Variants in ZNF532 observed in about 807,000 individuals in gnomAD.
ZNF532 encodes the protein zinc finger protein 532.
Under a neutral mutation model 89.3 loss-of-function variants are expected in ZNF532, and 22 were observed. The observed-to-expected ratio is 0.25, with a 90% CI of 0.18 to 0.35. ZNF532 has a LOEUF of 0.35. Among genes scored for constraint, ZNF532 ranks in the 10% least tolerant of loss-of-function variants. ZNF532 has a pLI of 1.00. For synonymous variants in ZNF532, 606 were observed against 649.6 expected (o/e 0.93, Z 1.02); for missense variants, 1,132 against 1,643.4 (o/e 0.69, Z 5.38).
At chr18:58,945,504 G>A (rs2063568740) in intron 5 of ZNF532, among the ~76,000 whole-genome samples, 1 of 152,142 alleles carries the variant, frequency 6.6e-6, no homozygotes, top group Non-Finnish European at 1.5e-5. Context: ...TCCTCAGAAT[G>A]ATAGCTACGT....
intron 2 of ZNF532, among the ~76,000 whole-genome samples, chr18:58,891,131 G>A (rs1367429277): frequency 6.6e-6 from 1 of 152,198 alleles, no homozygotes; most frequent in Non-Finnish European, 1.5e-5. Context: ...ATGTTAGCCA[G>A]GATGGTCTCG....
intron 2 of ZNF532, among the ~76,000 whole-genome samples, chr18:58,874,010 A>ATG (rs3037669): frequency 0.43 from 65,451 of 151,828 alleles, 14,713 homozygotes; most frequent in East Asian, 0.61. Flanking sequence ...TTAGCAGAAT[A>ATG]TGTGGTGAGC....
chr18:58,889,739 C>T (rs973034261), intron 2 of ZNF532, among the ~76,000 whole-genome samples: 1 of 151,742 alleles, frequency 6.6e-6, no homozygotes, highest in Non-Finnish European at 1.5e-5. Context: ...CGCCACTGCA[C>T]TCCAGCCTGG....
In ZNF532 at chr18:58,942,337, CCCTCCCTCCCTCCCTTCCTTCCTTCCTT is replaced by C. The variant is rs1248189908; in HGVS notation, c.2705+2720_2705+2747del. 1.1e-3 allele frequency among the ~76,000 whole-genome samples: 69 copies of C among 63,418 alleles called. 2 individuals carry two copies. In the Middle Eastern group the frequency reaches 0.03, roughly 28 times the overall value. 41.6% of individuals were successfully genotyped at this position (63,418 alleles called of 152,430 possible). ...GCGCCTGGCCCCTCCCTCCCTCCCT[CCCTCCCTCCCTCCCTTCCTTCCTTCCTT>C]CCTTCCTTCCTTCCTTCCTTCCTTC... On this transcript the variant is annotated intron_variant, in intron 5 of 9. Coordinates refer to ENST00000591808, the MANE Select transcript of ZNF532 (RefSeq NM_001375912.1).
intron 7 of ZNF532, among the ~76,000 whole-genome samples, chr18:58,957,866 C>T (rs2064949396): frequency 6.6e-6 from 1 of 151,954 alleles, no homozygotes; most frequent in East Asian, 1.9e-4. Context: ...GAGTTCGAGA[C>T]CCCCCCTGGC....
At chr18:58,942,563 C>A (rs192191184) in intron 5 of ZNF532, among the ~76,000 whole-genome samples, 1 of 152,034 alleles carries the variant, frequency 6.6e-6, no homozygotes, top group East Asian at 1.9e-4. Flanking sequence ...AGCCCTCACC[C>A]GCAGCCTGAC....
chr18:58,939,451 G>A lies in ZNF532; in HGVS notation c.2535G>A (p.Val845=). Reference sequence around the variant, plus strand: ...GTGTTTATTTTTCTAACAGATGTGTGCATTGCAATGTTGTGTACTCTGATG... The same window carrying A: ...GTGTTTATTTTTCTAACAGATGTGTACATTGCAATGTTGTGTACTCTGATG... The part of the protein sequence containing the change: ...HYTRRVGFRC[V]HCNVVYSDVA... Residue 845 remains valine, a synonymous_variant, in exon 5 of 10, where the codon GTG becomes GTA. Transcript: ENST00000591808. The A allele has an allele frequency of 8.1e-6, 13 of 1,612,564 alleles. No homozygotes were observed. Among genetic ancestry groups the A allele is most frequent in the Non-Finnish European group, 1.0e-5 (12 of 1,179,442 alleles).
chr18:58,954,000 T>G, intron 7 of ZNF532: 3 of 985,444 alleles, frequency 3.0e-6, no homozygotes, highest in Non-Finnish European at 3.6e-6. Flanking sequence ...TTCCTGGTCA[T>G]TGCCTTCACA....
At chr18:58,974,260 A>G (rs2147512047) in intron 7 of ZNF532, among the ~76,000 whole-genome samples, 1 of 152,352 alleles carries the variant, frequency 6.6e-6, no homozygotes, top group South Asian at 2.1e-4. Context: ...AAGTATTAGC[A>G]TATATGCATA....
At chr18:58,937,883 C>T (rs753681672) in intron 4 of ZNF532, among the ~76,000 whole-genome samples, 3 of 152,192 alleles carry the variant, frequency 2.0e-5, no homozygotes, top group Non-Finnish European at 4.4e-5. Flanking sequence ...GCTCTATTGC[C>T]TGAAATACCA....
intron 7 of ZNF532, among the ~76,000 whole-genome samples, chr18:58,966,149 G>A (rs926773208): frequency 2.0e-5 from 3 of 152,030 alleles, no homozygotes; most frequent in South Asian, 4.2e-4. Context: ...TTCTCCTTGA[G>A]TAGTTCTGCT....
intron 2 of ZNF532, among the ~76,000 whole-genome samples, chr18:58,894,339 C>T (rs924178037): frequency 3.3e-5 from 5 of 151,882 alleles, no homozygotes. Flanking sequence ...TGGTGGTATG[C>T]ACCTGCAATC....
intron 5 of ZNF532, among the ~76,000 whole-genome samples, chr18:58,942,033 C>A (rs1158716166): frequency 1.5e-5 from 2 of 133,522 alleles, no homozygotes; most frequent in African/African-American, 5.5e-5. Flanking sequence ...TTTTTTCTAC[C>A]CCCGCCCCCC....
rs147374248 is a variant in ZNF532, at chr18:58,929,556, G to T, written c.2347-4877G>T. On this transcript the variant is annotated intron_variant, in intron 3 of 9. Transcript: ENST00000591808. The stretch of plus-strand genomic sequence containing the variant: ...AGTGTTTAATTTAAATTTTGGTCAA[G>T]ACTAGTCCTGTCCTAGTTTATATTT... Among the ~76,000 whole-genome samples the T allele has an allele frequency of 1.9e-3, 291 of 152,298 alleles. 2 individuals are homozygous for T. Among genetic ancestry groups the T allele is most frequent in the African/African-American group, 6.8e-3 (284 of 41,568 alleles).
At chr18:58,898,825 G>A (rs1378410649) in intron 2 of ZNF532, among the ~76,000 whole-genome samples, 1 of 152,184 alleles carries the variant, frequency 6.6e-6, no homozygotes, top group South Asian at 2.1e-4. Flanking sequence ...GGTACCCCAG[G>A]GCAGGGGCTG....
intron 2 of ZNF532, among the ~76,000 whole-genome samples, chr18:58,899,803 T>C (rs1354963910): frequency 1.3e-5 from 2 of 152,206 alleles, no homozygotes. Context: ...GGACCAGCTG[T>C]ATTGAACTTT....
At chr18:58,943,475 T>C (rs990429545) in intron 5 of ZNF532, among the ~76,000 whole-genome samples, 3 of 147,362 alleles carry the variant, frequency 2.0e-5, no homozygotes, top group African/African-American at 7.5e-5. Flanking sequence ...TTTTTTTTCC[T>C]TTTTTTGAGA....
intron 2 of ZNF532, among the ~76,000 whole-genome samples, chr18:58,883,989 T>C (rs2058104239): frequency 6.6e-6 from 1 of 152,206 alleles, no homozygotes; most frequent in South Asian, 2.1e-4. Context: ...GAGAAGTAGG[T>C]TACCTTCAGC....
At chr18:58,867,315 C>G (rs1041182886) in intron 2 of ZNF532, among the ~76,000 whole-genome samples, 1 of 152,092 alleles carries the variant, frequency 6.6e-6, no homozygotes, top group Non-Finnish European at 1.5e-5. Flanking sequence ...CTCTCCCTCC[C>G]CCTTGAAGTC....
Sources: allele counts gnomAD v4.1 joint callset (sites outside exome capture counted in the v4.1 genomes callset), GRCh38; gene constraint gnomAD v4.1.1; transcripts MANE v1.5; gene names NCBI Gene and HGNC (gene_info 2026-07-23, HGNC 2026-07-21).